PTPRD: variants seen among roughly 807,000 people sequenced by gnomAD.
The protein encoded by PTPRD is receptor-type tyrosine-protein phosphatase delta.
PTPRD carries 34 observed loss-of-function variants against 214.5 expected under a neutral mutation model. The ratio of observed to expected loss-of-function variants is 0.16; its 90% CI spans 0.12 to 0.21. The LOEUF (loss-of-function observed/expected upper bound fraction) is 0.21, where lower values mean the gene tolerates loss of function less well. Among genes scored for constraint, PTPRD ranks in the 10% least tolerant of loss-of-function variants. The probability of loss-of-function intolerance (pLI) is 1.00; values close to 1 mark genes in which losing one functional copy is unlikely to be tolerated. For missense variants in PTPRD, 2,545 were observed against 2,398.7 expected (o/e 1.06, Z -1.27); for synonymous variants, 1,128 against 845.7 (o/e 1.33, Z -5.79).
At chr9:8,604,118 A>G (rs1443550882) in intron 14 of PTPRD, among the ~76,000 whole-genome samples, 1 of 152,228 alleles carries the variant, frequency 6.6e-6, no homozygotes, top group African/African-American at 2.4e-5. Context: ...CTATGTGCCC[A>G]GTACTGTTGT....
intron 8 of PTPRD, among the ~76,000 whole-genome samples, chr9:9,501,246 T>G (rs2096405100): frequency 6.6e-6 from 1 of 151,962 alleles, no homozygotes; most frequent in Non-Finnish European, 1.5e-5. Context: ...TAAAATGAAG[T>G]GTGCCTTAAC....
At chr9:9,981,875 G>C (rs2095555069) in intron 4 of PTPRD, among the ~76,000 whole-genome samples, 1 of 151,740 alleles carries the variant, frequency 6.6e-6, no homozygotes, top group African/African-American at 2.4e-5. Context: ...CTTTCTTTTA[G>C]AATGTAAGAC....
At chr9:8,489,338 T>C (rs546394929) in intron 27 of PTPRD, among the ~76,000 whole-genome samples, 8 of 152,292 alleles carry the variant, frequency 5.3e-5, no homozygotes, top group African/African-American at 1.4e-4. Flanking sequence ...AGTAATGATA[T>C]AGAAATAAGA....
At position 9,994,660 on chromosome 9, in the gene PTPRD, T is replaced by G. The variant is rs181445511; in HGVS notation, c.-472+39058A>C. ...AAAAGAGAGAAAGTGGGGATATATA[T>G]GAAATGTCGAGTTTATACTCAATAA... On this transcript the variant is annotated intron_variant, in intron 4 of 45. Coordinates refer to ENST00000381196, the MANE Select transcript of PTPRD (RefSeq NM_002839.4). Among the ~76,000 whole-genome samples the G allele has an allele frequency of 8.2e-3, 1,243 of 152,266 alleles. 22 individuals are homozygous for G. The highest frequency in any genetic ancestry group is 0.028 in the African/African-American group (1,183 of 41,578).
intron 8 of PTPRD, among the ~76,000 whole-genome samples, chr9:9,537,361 T>C (rs1332745229): frequency 6.6e-6 from 1 of 152,004 alleles, no homozygotes; most frequent in Non-Finnish European, 1.5e-5. Context: ...TGCTATAATT[T>C]TAAAGTGGAG....
intron 7 of PTPRD, among the ~76,000 whole-genome samples, chr9:9,611,568 T>C (rs945581421): frequency 6.6e-6 from 1 of 152,086 alleles, no homozygotes; most frequent in Non-Finnish European, 1.5e-5. Context: ...TATATGACTA[T>C]AAACATAGTC....
chr9:8,929,295 G>T (rs6477361), intron 11 of PTPRD, among the ~76,000 whole-genome samples: 95,711 of 151,736 alleles, frequency 0.63, 30,603 homozygotes, highest in East Asian at 0.92. Flanking sequence ...TTTCAGCTTT[G>T]GCCGATTCAG....
chr9:9,692,931 T>G (rs2097300854), intron 7 of PTPRD, among the ~76,000 whole-genome samples: 1 of 152,076 alleles, frequency 6.6e-6, no homozygotes, highest in Non-Finnish European at 1.5e-5. Flanking sequence ...TATTGTTCAC[T>G]GTTGGCATAT....
rs200629393 is a variant in PTPRD at position 9,097,402 on chromosome 9, C to CTT, written c.-142-78669_-142-78668dup. Reference sequence around the variant, plus strand: ...CACAGGTTAGTAGCACACCATGGCTCTTTTTTTTTTTTTCTTTTTCTTTTG... The same window carrying CTT: ...CACAGGTTAGTAGCACACCATGGCTCTTTTTTTTTTTTTTTCTTTTTCTTTTG... On this transcript the variant is annotated intron_variant, in intron 10 of 45. Coordinates refer to ENST00000381196, the MANE Select transcript of PTPRD (RefSeq NM_002839.4). Among the ~76,000 whole-genome samples the CTT allele has an allele frequency of 1.3e-3, 185 of 143,476 alleles. 1 individual carries two copies. Among genetic ancestry groups the CTT allele is most frequent in the African/African-American group, 4.3e-3 (167 of 39,174 alleles). 94.1% of individuals were successfully genotyped at this position (143,476 alleles called of 152,430 possible). A position where few individuals can be genotyped will look rare whatever the true frequency, so the allele number is the denominator to read the frequency against.
rs1384130940 is a variant in PTPRD at position 8,316,794 on chromosome 9, C to T, written c.*1080G>A. ...ATCACTGATGTGCATTCCTCATTTC[C>T]CTTTAAAGAAATACCAATATGTCAA... On this transcript the variant is annotated 3_prime_UTR_variant, in exon 46 of 46. Coordinates refer to ENST00000381196, the MANE Select transcript of PTPRD (RefSeq NM_002839.4). 4.3e-6 allele frequency: 1 copy of T among 230,780 alleles called. No individual in the cohort carries two copies. Among genetic ancestry groups the T allele is most frequent in the Non-Finnish European group, 8.6e-6 (1 of 116,524 alleles). 14.3% of individuals were successfully genotyped at this position (230,780 alleles called of 1,614,324 possible). A position where few individuals can be genotyped will look rare whatever the true frequency, so the allele number is the denominator to read the frequency against.
chr9:8,951,346 G>A (rs1001350381), intron 11 of PTPRD, among the ~76,000 whole-genome samples: 3 of 124,192 alleles, frequency 2.4e-5, no homozygotes, highest in Non-Finnish European at 1.6e-5. Flanking sequence ...TTTCAGTCCC[G>A]TAAACATAGA....
intron 8 of PTPRD, among the ~76,000 whole-genome samples, chr9:9,507,986 A>G (rs1395574430): frequency 6.6e-6 from 1 of 151,544 alleles, no homozygotes; most frequent in Non-Finnish European, 1.5e-5. Flanking sequence ...TATTGTATCA[A>G]TAGCCTAATG....
In PTPRD at chr9:9,782,320, T is replaced by C. The variant is rs530454218; in HGVS notation, c.-367-15469A>G. Among the ~76,000 whole-genome samples, 7 of 152,304 alleles carry C rather than the reference T, an allele frequency of 4.6e-5. No homozygotes were observed. The East Asian group carries it at 7.7e-4, about 17-fold the overall frequency. On this transcript the variant is annotated intron_variant, in intron 5 of 45. Coordinates refer to ENST00000381196, the MANE Select transcript of PTPRD (RefSeq NM_002839.4). Reference sequence around the variant, plus strand: ...TTTAAATTATAATTTAAAATGCCGATGAGATTAAGATTTTCTAAGAATTCC... The same window carrying C: ...TTTAAATTATAATTTAAAATGCCGACGAGATTAAGATTTTCTAAGAATTCC...
At chr9:9,383,537 G>C (rs1194133898) in intron 9 of PTPRD, among the ~76,000 whole-genome samples, 1 of 152,094 alleles carries the variant, frequency 6.6e-6, no homozygotes, top group Non-Finnish European at 1.5e-5. Context: ...GCAATGCCAT[G>C]TTTGGAAATG....
At chr9:9,072,279 T>TTACA (rs1223414315) in intron 10 of PTPRD, among the ~76,000 whole-genome samples, 2 of 77,310 alleles carry the variant, frequency 2.6e-5, no homozygotes, top group African/African-American at 9.5e-5. Flanking sequence ...AGCTGGCAAC[T>TTACA]TACACACACA....
At chr9:9,272,367 A>T (rs1943280913) in intron 9 of PTPRD, among the ~76,000 whole-genome samples, 1 of 151,344 alleles carries the variant, frequency 6.6e-6, no homozygotes, top group African/African-American at 2.4e-5. Flanking sequence ...TTCTCTTGTG[A>T]AATCCAAAAT....
At chr9:9,145,137 A>G (rs1478444794) in intron 10 of PTPRD, among the ~76,000 whole-genome samples, 1 of 152,204 alleles carries the variant, frequency 6.6e-6, no homozygotes, top group African/African-American at 2.4e-5. Context: ...TTTTTCCTTA[A>G]GAATCTAAGT....
At chr9:9,207,530 G>A (rs1255027963) in intron 9 of PTPRD, among the ~76,000 whole-genome samples, 1 of 152,092 alleles carries the variant, frequency 6.6e-6, no homozygotes, top group African/African-American at 2.4e-5. Context: ...CCCAAAATCT[G>A]ACAACATACA....
At chr9:8,392,200 A>C (rs923923495) in intron 36 of PTPRD, among the ~76,000 whole-genome samples, 1 of 152,108 alleles carries the variant, frequency 6.6e-6, no homozygotes, top group African/African-American at 2.4e-5. Context: ...TCTGAGCAAC[A>C]TGGTGAGACC....
Sources: allele counts gnomAD v4.1 joint callset (sites outside exome capture counted in the v4.1 genomes callset), GRCh38; gene constraint gnomAD v4.1.1; transcripts MANE v1.5; gene names NCBI Gene and HGNC (gene_info 2026-07-23, HGNC 2026-07-21).